The following LHFPL3 variants were observed in gnomAD, a reference collection of about 807,000 sequenced individuals.
The protein encoded by LHFPL3 is LHFPL tetraspan subfamily member 3 protein.
LHFPL3 carries 5 observed loss-of-function variants against 19.3 expected under a neutral mutation model. That is an observed-to-expected ratio of 0.26 (90% CI 0.14 to 0.54). The LOEUF (loss-of-function observed/expected upper bound fraction) is 0.54, where lower values mean the gene tolerates loss of function less well. LHFPL3 is among the 20% of genes least tolerant of loss of function. The pLI, the probability that LHFPL3 is intolerant of heterozygous loss-of-function variation, is 0.94. For missense variants in LHFPL3, 249 were observed against 307.4 expected (o/e 0.81, Z 1.42); for synonymous variants, 133 against 126.2 (o/e 1.05, Z -0.36).
intron 1 of LHFPL3, among the ~76,000 whole-genome samples, chr7:104,683,423 A>G (rs545222016): frequency 3.7e-4 from 56 of 152,374 alleles, no homozygotes; most frequent in Non-Finnish European, 5.6e-4. Context: ...TGACTCTATC[A>G]TAATTTAACC....
rs373361790 is a variant in LHFPL3, at chr7:104,843,148, A to C, written c.683-63039A>C. Among the ~76,000 whole-genome samples the C allele has an allele frequency of 1.6e-3, 248 of 152,370 alleles. 2 individuals carry two copies. The highest frequency in any genetic ancestry group is 5.7e-3 in the African/African-American group (238 of 41,588). On this transcript the variant is annotated intron_variant, in intron 2 of 2. Transcript: ENST00000424859. ...ACTTGACATAGTGAGAGGCTGCCCA[A>C]GAAATTAAAACCCAGGCCCAGACTC...
At chr7:104,599,708 G>A (rs946796257) in intron 1 of LHFPL3, among the ~76,000 whole-genome samples, 2 of 152,160 alleles carry the variant, frequency 1.3e-5, no homozygotes, top group Non-Finnish European at 2.9e-5. Context: ...ATATATGCCA[G>A]GTATTAGGGA....
chr7:104,511,272 C>A (rs185936816), intron 1 of LHFPL3, among the ~76,000 whole-genome samples: 2 of 152,260 alleles, frequency 1.3e-5, no homozygotes, highest in East Asian at 3.9e-4. Flanking sequence ...TATCACTAGA[C>A]ACCTATCGGA....
chr7:104,448,467 T>C (rs1792372654), intron 1 of LHFPL3, among the ~76,000 whole-genome samples: 1 of 152,206 alleles, frequency 6.6e-6, no homozygotes, highest in Non-Finnish European at 1.5e-5. Context: ...TCAGAGCCAT[T>C]ACATTGCAGT....
intron 1 of LHFPL3, among the ~76,000 whole-genome samples, chr7:104,456,997 A>G (rs994585610): frequency 1.3e-5 from 2 of 152,214 alleles, no homozygotes; most frequent in Non-Finnish European, 1.5e-5. Flanking sequence ...ACTGTTGTAC[A>G]TTCCAATATG....
At chr7:104,715,720 C>G (rs1408806343) in intron 1 of LHFPL3, among the ~76,000 whole-genome samples, 3 of 152,166 alleles carry the variant, frequency 2.0e-5, no homozygotes, top group Non-Finnish European at 4.4e-5. Flanking sequence ...GTTGAGCCTT[C>G]TTTGTATCCA....
chr7:104,360,641 T>C (rs895917388), intron 1 of LHFPL3, among the ~76,000 whole-genome samples: 1 of 150,938 alleles, frequency 6.6e-6, no homozygotes, highest in Admixed American at 6.6e-5. Context: ...TTTTCAGCTT[T>C]AGGGAGGTTG....
chr7:104,331,321 A>C (rs1801563291), intron 1 of LHFPL3, among the ~76,000 whole-genome samples: 1 of 152,234 alleles, frequency 6.6e-6, no homozygotes, highest in Non-Finnish European at 1.5e-5. Flanking sequence ...TTTTTGTACT[A>C]AAGATGTAAG....
At chr7:104,349,890 A>C (rs896073958) in intron 1 of LHFPL3, among the ~76,000 whole-genome samples, 2 of 152,150 alleles carry the variant, frequency 1.3e-5, no homozygotes, top group African/African-American at 4.8e-5. Flanking sequence ...GATTGGTATC[A>C]TTGTCATATT....
rs143899733 is a variant in LHFPL3 at position 104,600,051 on chromosome 7, G to A, written c.446-136624G>A. ...CTCAGATGAGGAAGTATGGCTCATC[G>A]CTCATGGCCTGCTGTCTGTGTACAG... On this transcript the variant is annotated intron_variant, in intron 1 of 2. Coordinates refer to ENST00000424859, the MANE Select transcript of LHFPL3 (RefSeq NM_199000.3). Among the ~76,000 whole-genome samples, 54 of 152,196 alleles carry A rather than the reference G, an allele frequency of 3.5e-4. No individual in the cohort carries two copies. In the East Asian group the frequency reaches 7.2e-3, roughly 20 times the overall value.
chr7:104,511,399 A>C (rs1793810105), intron 1 of LHFPL3, among the ~76,000 whole-genome samples: 1 of 152,208 alleles, frequency 6.6e-6, no homozygotes, highest in Non-Finnish European at 1.5e-5. Context: ...TCTGGAAAAC[A>C]GTTTGGCAAT....
intron 2 of LHFPL3, among the ~76,000 whole-genome samples, chr7:104,857,463 A>G (rs1236349805): frequency 6.6e-6 from 1 of 152,352 alleles, no homozygotes; most frequent in African/African-American, 2.4e-5. Context: ...ATACAAGATG[A>G]ATAAATGTGT....
intron 1 of LHFPL3, among the ~76,000 whole-genome samples, chr7:104,480,058 A>T (rs903670440): frequency 6.6e-6 from 1 of 152,208 alleles, no homozygotes; most frequent in African/African-American, 2.4e-5. Flanking sequence ...CAGATCAGAC[A>T]TCTGGAATCA....
rs7809065 is a variant in LHFPL3 at position 104,776,050 on chromosome 7, G to A, written c.682+39139G>A. Among the ~76,000 whole-genome samples, 323 of 152,096 alleles carry A rather than the reference G, an allele frequency of 2.1e-3. 2 individuals carry two copies. The highest frequency in any genetic ancestry group is 3.9e-3 in the Non-Finnish European group (262 of 67,944). On this transcript the variant is annotated intron_variant, in intron 2 of 2. Transcript: ENST00000424859. ...CTAGTTTGGGTTTAACATGTAAACTGGTTGGTACCAGACTAAAGCCAAAGA... is the reference window on the plus strand; with the variant it reads ...CTAGTTTGGGTTTAACATGTAAACTAGTTGGTACCAGACTAAAGCCAAAGA...
intron 1 of LHFPL3, among the ~76,000 whole-genome samples, chr7:104,647,572 T>C (rs1791955281): frequency 6.6e-6 from 1 of 152,230 alleles, no homozygotes; most frequent in African/African-American, 2.4e-5. Flanking sequence ...ACTGTATTAA[T>C]TAGGAATGCT....
chr7:104,470,605 A>G (rs1266708827), intron 1 of LHFPL3, among the ~76,000 whole-genome samples: 3 of 152,192 alleles, frequency 2.0e-5, no homozygotes, highest in Admixed American at 2.0e-4. Context: ...TGATTCTAAT[A>G]AAAACCCTAT....
At chr7:104,898,141 C>G (rs1001375972) in intron 2 of LHFPL3, among the ~76,000 whole-genome samples, 3 of 151,318 alleles carry the variant, frequency 2.0e-5, no homozygotes, top group Non-Finnish European at 4.4e-5. Context: ...TCCCTAGTAG[C>G]TGGGATTACA....
rs79573517 is a variant in LHFPL3, at chr7:104,430,318, G to A, written c.445+101094G>A. 0.01 allele frequency among the ~76,000 whole-genome samples: 1,419 copies of A among 137,982 alleles called. 65 individuals are homozygous for A. In the East Asian group the frequency reaches 0.15, roughly 15 times the overall value. The allele number at this position is 137,982 out of a possible 152,430, so 90.5% of individuals were successfully genotyped here. On this transcript the variant is annotated intron_variant, in intron 1 of 2. Coordinates refer to ENST00000424859, the MANE Select transcript of LHFPL3 (RefSeq NM_199000.3). ...CTCTTTCTTCTAAAGCCTGTTTGTA[G>A]CATCTGCAGGAACTCAGATTAGTGT...
In LHFPL3 at chr7:104,350,164, TATTTAA is replaced by T. The variant is rs547802089; in HGVS notation, c.445+20961_445+20966del. Among the ~76,000 whole-genome samples the T allele has an allele frequency of 6.7e-4, 102 of 152,194 alleles. 1 individual carries two copies. The highest frequency in any genetic ancestry group is 2.1e-3 in the African/African-American group (88 of 41,448). On this transcript the variant is annotated intron_variant, in intron 1 of 2. Coordinates refer to ENST00000424859, the MANE Select transcript of LHFPL3 (RefSeq NM_199000.3). ...ATAGTAGCCTGTCACCACATGTGGCTATTTAAATTTAAATTTAAATTTAAATGAAAT... is the reference window on the plus strand; with the variant it reads ...ATAGTAGCCTGTCACCACATGTGGCTATTTAAATTTAAATTTAAATGAAAT...
Sources: gnomAD v4.1 joint callset for allele counts (sites outside exome capture counted in the v4.1 genomes callset) on GRCh38, gnomAD v4.1.1 for gene constraint, MANE v1.5 for transcripts, NCBI Gene and HGNC (gene_info 2026-07-23, HGNC 2026-07-21) for gene names.